TSC2: variants seen among roughly 807,000 people sequenced by gnomAD.
TSC2 encodes the protein tuberin.
In TSC2, 29 loss-of-function variants were observed where a neutral mutation model predicts 202.2. The ratio of observed to expected loss-of-function variants is 0.14; its 90% CI spans 0.11 to 0.20. The LOEUF (loss-of-function observed/expected upper bound fraction) is 0.20. TSC2 is among the 10% of genes least tolerant of loss of function. The probability of loss-of-function intolerance (pLI) is 1.00; values close to 1 mark genes in which losing one functional copy is unlikely to be tolerated. For missense variants in TSC2, 2,429 were observed against 2,420.0 expected (o/e 1.00, Z -0.08); for synonymous variants, 1,349 against 1,044.0 (o/e 1.29, Z -5.63).
Position 2,064,405 on chromosome 16 carries a change from G to C in TSC2, c.1577G>C (p.Ser526Thr), listed in dbSNP as rs376573446. 6.5e-5 allele frequency: 105 copies of C among 1,613,588 alleles called. 2 individuals carry two copies. The highest frequency in any genetic ancestry group is 6.5e-5 in the Non-Finnish European group (77 of 1,180,036). The change falls in exon 15 of 42, where the codon AGC becomes ACC. Residue 526 changes from serine (S) to threonine (T), a missense_variant. By Grantham distance (58) the Ser-to-Thr change is moderately conservative. Coordinates refer to ENST00000219476, the MANE Select transcript of TSC2 (RefSeq NM_000548.5). ...GGCTGCCACACACACCACTTCAACA[G>C]CCTGCTGGACATCATCGAGAAGGTG... is the stretch of plus-strand genomic sequence containing the variant. ...AEGCHTHHFN[S>T]LLDIIEKVMA...
rs757244510 is a variant in TSC2 at position 2,083,768 on chromosome 16, C to T, written c.3957C>T (p.Asp1319=). ...TGGTGGAGCCCCCAGGGTTGGAGGA[C>T]GTTGAGGCAGCGCTAGGCATGGACA... The part of the protein sequence containing the change: ...PVLVEPPGLE[D]VEAALGMDRR... Residue 1319 remains aspartate (D), a synonymous_variant, in exon 33 of 42, where the codon GAC becomes GAT. Transcript: ENST00000219476. The T allele has an allele frequency of 1.6e-5, 26 of 1,610,874 alleles. No individual in the cohort carries two copies. Among genetic ancestry groups the T allele is most frequent in the East Asian group, 4.5e-5 (2 of 44,802 alleles).
intron 11 of TSC2, 131 bp downstream of exon 11, chr16:2,060,944 G>A (rs1280414325): frequency 8.4e-7 from 1 of 1,194,006 alleles, no homozygotes; most frequent in Non-Finnish European, 1.2e-6. Flanking sequence ...GTTCTCTGGT[G>A]ATTCGCAGTG....
At chr16:2,086,423 G>A (rs1311532867) in intron 37 of TSC2, 44 bp downstream of exon 37, 2 of 1,596,892 alleles carry the variant, frequency 1.3e-6, no homozygotes, top group Admixed American at 1.7e-5. Flanking sequence ...CAGGCCTCAG[G>A]GCACGGCTCC....
At chr16:2,078,416 C>T (rs1404401896) in intron 26 of TSC2, 1 of 169,170 alleles carries the variant, frequency 5.9e-6, no homozygotes, top group Non-Finnish European at 1.3e-5. Context: ...AGGCCGGCCT[C>T]TGCTGGGTGG....
rs774380711 is a variant in TSC2, at chr16:2,074,336, C to T, written c.2492C>T (p.Thr831Met). The change falls in exon 22 of 42, where the codon ACG (threonine) becomes ATG (methionine). Residue 831 changes from threonine to methionine, a missense_variant. Thr to Met is a moderately conservative substitution (Grantham distance 81). Coordinates refer to ENST00000219476, the MANE Select transcript of TSC2 (RefSeq NM_000548.5). The part of the protein sequence containing the change: ...KALPVLVVKL[T>M]HISATASMAV... The stretch of plus-strand genomic sequence containing the variant: ...CTGCCTGTTCTGGTGGTGAAGCTCA[C>T]GCACATCTCAGCCACAGCCAGCATG... 2.5e-6 allele frequency: 4 copies of T among 1,612,664 alleles called. No homozygotes were observed. Among genetic ancestry groups the T allele is most frequent in the Non-Finnish European group, 2.5e-6 (3 of 1,180,038 alleles).
chr16:2,078,146 G>A (rs975761286), intron 26 of TSC2: 2 of 273,110 alleles, frequency 7.3e-6, no homozygotes, highest in Non-Finnish European at 1.4e-5. Context: ...ATTTGTGGAG[G>A]GTGCTGGGGT....
At chr16:2,061,610 G>A (rs924277662) in intron 11 of TSC2, 2 of 544,226 alleles carry the variant, frequency 3.7e-6, no homozygotes, top group African/African-American at 3.8e-5. Flanking sequence ...TGCCATCACA[G>A]CCACTGTGGC....
chr16:2,088,382 G>C (rs1298876950), intron 41 of TSC2, 57 bp downstream of exon 41: 26 of 1,612,258 alleles, frequency 1.6e-5, no homozygotes, highest in African/African-American at 2.7e-5. Context: ...CTGTGGGGCG[G>C]GTGTGTGGGC....
intron 6 of TSC2, 47 bp downstream of exon 6, chr16:2,055,566 G>C (rs2085687100): frequency 1.3e-6 from 2 of 1,554,138 alleles, no homozygotes; most frequent in South Asian, 2.2e-5. Flanking sequence ...CCTAAGTTCA[G>C]CTCCGCAGTG....
At chr16:2,059,009 G>C in intron 10 of TSC2, 136 bp downstream of exon 10, 1 of 1,407,864 alleles carries the variant, frequency 7.1e-7, no homozygotes, top group East Asian at 2.5e-5. Flanking sequence ...TTGCTTTGCA[G>C]CTGGGGGTGA....
At position 2,087,015 on chromosome 16, in the gene TSC2, G is replaced by A. The variant is rs2090895564; in HGVS notation, c.4989+144G>A. 6.3e-6 allele frequency: 8 copies of A among 1,268,986 alleles called. No homozygotes were observed. The South Asian group carries it at 7.9e-5, about 12-fold the overall frequency. 78.6% of individuals were successfully genotyped at this position (1,268,986 alleles called of 1,614,324 possible). A position where few individuals can be genotyped will look rare whatever the true frequency, so the allele number is the denominator to read the frequency against. On this transcript the variant is annotated intron_variant, in intron 38 of 41. Transcript: ENST00000219476. ...AGTGCTCAGGGCCCCGTGGGCACGA[G>A]CTTCACCCCGAGCCTGCGTTGTGTC...
intron 4 of TSC2, 129 bp from the exon 5 acceptor site, chr16:2,054,167 C>T (rs2085480509): frequency 1.4e-6 from 2 of 1,441,242 alleles, no homozygotes; most frequent in South Asian, 1.2e-5. Flanking sequence ...CTGTCTCTTG[C>T]AGGGCGCCTC....
chr16:2,054,240 G>A (rs1477642212), intron 4 of TSC2, 56 bp from the exon 5 acceptor site: 1 of 1,613,032 alleles, frequency 6.2e-7, no homozygotes, highest in African/African-American at 1.3e-5. Context: ...GGACTTCTTG[G>A]CAGCCGTGTG....
Position 2,084,577 on chromosome 16 carries a change from C to G in TSC2, c.4355C>G (p.Ser1452Trp), listed in dbSNP as rs45517339. Residue 1452 changes from serine (S) to tryptophan (W), a missense_variant, in exon 34 of 42, where the codon TCG becomes TGG. Transcript: ENST00000219476. ...EGPLPSSSPR[S>W]PSGLRPRGYT... ...CCCTTGCCTTCCAGCTCCCCCCGCT[C>G]GCCCAGTGGCCTCCGGCCCCGAGGT... The G allele has an allele frequency of 6.2e-7, 1 of 1,607,002 alleles. No individual in the cohort carries two copies. The highest frequency in any genetic ancestry group is 1.1e-5 in the South Asian group (1 of 91,022).
rs1596375110 is a variant in TSC2, at chr16:2,077,667, C to G, written c.2907C>G (p.Ser969Arg). ...NSPPVKEFKE[S>R]SAAEAFRCRS... ...CACCCGTGAAAGAATTCAAGGAGAGCTCTGCAGCCGAGGCCTTCCGGTGCC... is the reference window on the plus strand; with the variant it reads ...CACCCGTGAAAGAATTCAAGGAGAGGTCTGCAGCCGAGGCCTTCCGGTGCC... Residue 969 changes from serine to arginine, a missense_variant, in exon 26 of 42, where the codon AGC becomes AGG. By Grantham distance (110) the Ser-to-Arg change is moderately radical. Transcript: ENST00000219476. 1 of 1,613,110 alleles carries G rather than the reference C, an allele frequency of 6.2e-7. No homozygotes were observed. Among genetic ancestry groups the G allele is most frequent in the Non-Finnish European group, 8.5e-7 (1 of 1,180,014 alleles).
chr16:2,050,646 G>A (rs1037350794), intron 3 of TSC2, among the ~76,000 whole-genome samples, 160 bp downstream of exon 3: 1 of 146,036 alleles, frequency 6.8e-6, no homozygotes, highest in Non-Finnish European at 1.5e-5. Flanking sequence ...CTGTCGCCCA[G>A]GCTGGCACAA....
rs1246183175 is a variant in TSC2, at chr16:2,072,998, C to G, written c.2355+15C>G. The G allele has an allele frequency of 1.9e-6, 3 of 1,613,112 alleles. No individual in the cohort carries two copies. In the African/African-American group the frequency reaches 4.0e-5, roughly 22 times the overall value. ...AAACCAAACAGGTAGGAGGTCAGAG[C>G]AGGACAGGCGAGCTTGATGGGGCCT... On this transcript the variant is annotated intron_variant, in intron 21 of 41. Coordinates refer to ENST00000219476, the MANE Select transcript of TSC2 (RefSeq NM_000548.5).
In TSC2 at chr16:2,079,630, G is replaced by C. The variant is rs1053311636; in HGVS notation, c.3358G>C (p.Val1120Leu). 33 of 1,609,522 alleles carry C rather than the reference G, an allele frequency of 2.1e-5. No homozygotes were observed. The highest frequency in any genetic ancestry group is 2.3e-5 in the Non-Finnish European group (27 of 1,178,792). ...AKLESQAGQQVSRGARDRVRS... is the reference protein window; with the variant it reads ...AKLESQAGQQLSRGARDRVRS... ...GCTGGAGTCCCAGGCTGGGCAGCAGGTGTCCCGTGGGGCCCGGGATCGGGT... is the reference window on the plus strand; with the variant it reads ...GCTGGAGTCCCAGGCTGGGCAGCAGCTGTCCCGTGGGGCCCGGGATCGGGT... The change falls in exon 29 of 42, where the codon GTG becomes CTG. Residue 1120 changes from valine (V) to leucine (L), a missense_variant. Physicochemically the swap from Val to Leu is conservative, Grantham distance 32 (BLOSUM62 1). Transcript: ENST00000219476. The surrounding 1 kb of genome is among the most constrained non-coding windows in gnomAD (Gnocchi z 4.6).
At chr16:2,067,526 T>A (rs192383657) in intron 16 of TSC2, among the ~76,000 whole-genome samples, 117 of 145,184 alleles carry the variant, frequency 8.1e-4, no homozygotes, top group African/African-American at 3.0e-3. Flanking sequence ...ATCCCAGCAC[T>A]TTGGGAGGCT....
Sources: gnomAD v4.1 joint callset for allele counts (sites outside exome capture counted in the v4.1 genomes callset) on GRCh38, gnomAD v4.1.1 for gene constraint, Gnocchi (gnomAD v3.1) non-coding constraint, MANE v1.5 for transcripts, NCBI Gene and HGNC (gene_info 2026-07-23, HGNC 2026-07-21) for gene names.